Variants in FBN1 observed in about 807,000 individuals in gnomAD.
FBN1 encodes fibrillin 1, also known as fibrillin-1.
In FBN1, 29 loss-of-function variants were observed where a neutral mutation model predicts 365.1. The observed-to-expected ratio is 0.08, with a 90% CI of 0.06 to 0.11. FBN1 has a LOEUF of 0.11. Among genes scored for constraint, FBN1 ranks in the 10% least tolerant of loss-of-function variants. FBN1 has a pLI of 1.00. For synonymous variants in FBN1, 1,210 were observed against 1,270.5 expected (o/e 0.95, Z 1.01); for missense variants, 2,476 against 3,703.2 (o/e 0.67, Z 8.60).
intron 2 of FBN1, among the ~76,000 whole-genome samples, chr15:48,637,471 A>C (rs1890114895): frequency 6.6e-6 from 1 of 152,186 alleles, no homozygotes; most frequent in Admixed American, 6.5e-5. Context: ...CACTCGTTTC[A>C]TAGACTGCAC....
At chr15:48,545,563 G>A (rs187852081) in intron 6 of FBN1, among the ~76,000 whole-genome samples, 12 of 152,286 alleles carry the variant, frequency 7.9e-5, no homozygotes, top group East Asian at 5.8e-4. Context: ...AGGGATTTAG[G>A]GGAGGGAGGA....
At chr15:48,619,629 G>A (rs1383300715) in intron 2 of FBN1, among the ~76,000 whole-genome samples, 1 of 151,862 alleles carries the variant, frequency 6.6e-6, no homozygotes, top group African/African-American at 2.4e-5. Context: ...TAGCCAGTAA[G>A]TTCACTGCCA....
chr15:48,522,981 T>A lies in FBN1; in HGVS notation c.989-2164A>T, dbSNP rs567085597. ...CGGCTGGAGAGGGAGTATAGACAAG[T>A]ATGCTCTCTGTGAAGCCTCAGGTGG... is the stretch of plus-strand genomic sequence containing the variant. On this transcript the variant is annotated intron_variant, in intron 9 of 65. Transcript: ENST00000316623. Among the ~76,000 whole-genome samples, 3 of 152,302 alleles carry A rather than the reference T, an allele frequency of 2.0e-5. No homozygotes were observed. In the South Asian group the frequency reaches 6.2e-4, roughly 32 times the overall value.
chr15:48,554,475 C>T (rs2044164924), intron 6 of FBN1, among the ~76,000 whole-genome samples: 1 of 152,150 alleles, frequency 6.6e-6, no homozygotes, highest in Admixed American at 6.5e-5. Flanking sequence ...AATATATTCA[C>T]TGTAAACCAT....
At chr15:48,568,049 G>GAAAGAAAGAAAGAAAGAAAGAAAGAAGA (rs369157930) in intron 6 of FBN1, among the ~76,000 whole-genome samples, 16 of 40,144 alleles carry the variant, frequency 4.0e-4, no homozygotes, top group East Asian at 2.1e-3. Flanking sequence ...AAGAAAGAAA[G>GAAAGAAAGAAAGAAAGAAAGAAAGAAGA]AAGAAAGAAA....
chr15:48,559,882 T>C (rs1032630052), intron 6 of FBN1, among the ~76,000 whole-genome samples: 11 of 152,204 alleles, frequency 7.2e-5, no homozygotes, highest in Non-Finnish European at 1.6e-4. Context: ...TGTGTGCCCA[T>C]CATCTGTTTT....
chr15:48,481,589 A>T, intron 32 of FBN1, 66 bp downstream of exon 32: 1 of 1,488,804 alleles, frequency 6.7e-7, no homozygotes, highest in East Asian at 2.3e-5. Context: ...ACATGTATCA[A>T]TCTATAATTA....
chr15:48,566,658 C>T (rs1380228416), intron 6 of FBN1, among the ~76,000 whole-genome samples: 3 of 152,128 alleles, frequency 2.0e-5, no homozygotes, highest in Non-Finnish European at 4.4e-5. Context: ...CATAATTCTC[C>T]TTTGACATGG....
intron 64 of FBN1, among the ~76,000 whole-genome samples, chr15:48,414,583 A>C (rs1054698261): frequency 6.6e-6 from 1 of 152,176 alleles, no homozygotes; most frequent in Non-Finnish European, 1.5e-5. Flanking sequence ...TAAACTTTTA[A>C]ATCACTGGGT....
chr15:48,444,130 A>T (rs1262906881), intron 49 of FBN1, among the ~76,000 whole-genome samples: 2 of 152,198 alleles, frequency 1.3e-5, no homozygotes, highest in Non-Finnish European at 2.9e-5. Flanking sequence ...TAAAAACAAA[A>T]TAGACAAACG....
chr15:48,583,994 G>GA (rs2044416759), intron 6 of FBN1, among the ~76,000 whole-genome samples: 1 of 152,114 alleles, frequency 6.6e-6, no homozygotes, highest in Admixed American at 6.6e-5. Context: ...CTTCTAAGTG[G>GA]AAAAAATGGT....
intron 6 of FBN1, among the ~76,000 whole-genome samples, chr15:48,578,169 T>C (rs544354049): frequency 6.6e-5 from 10 of 152,328 alleles, no homozygotes; most frequent in African/African-American, 2.2e-4. Flanking sequence ...CTTCTAAGGT[T>C]GGCAAGTAGT....
At chr15:48,561,349 G>A (rs763471914) in intron 6 of FBN1, among the ~76,000 whole-genome samples, 1 of 152,092 alleles carries the variant, frequency 6.6e-6, no homozygotes, top group Non-Finnish European at 1.5e-5. Context: ...TACAATGAAT[G>A]TTAATGCTTT....
chr15:48,503,410 A>T (rs1241901993), intron 17 of FBN1, among the ~76,000 whole-genome samples: 1 of 152,222 alleles, frequency 6.6e-6, no homozygotes, highest in African/African-American at 2.4e-5. Context: ...AAGCTAGTGG[A>T]AATAGTCAAG....
chr15:48,607,015 A>G (rs1382570835), intron 4 of FBN1, among the ~76,000 whole-genome samples: 1 of 152,144 alleles, frequency 6.6e-6, no homozygotes, highest in African/African-American at 2.4e-5. Context: ...CTCTATAGAC[A>G]TTGGTGCCAT....
intron 12 of FBN1, among the ~76,000 whole-genome samples, chr15:48,514,652 A>G (rs2043786660): frequency 6.6e-6 from 1 of 152,192 alleles, no homozygotes; most frequent in South Asian, 2.1e-4. Flanking sequence ...CATTTAAAAT[A>G]ACTAGTCTAA....
At chr15:48,615,003 T>G (rs1221121232) in intron 2 of FBN1, among the ~76,000 whole-genome samples, 1 of 152,158 alleles carries the variant, frequency 6.6e-6, no homozygotes, top group African/African-American at 2.4e-5. Flanking sequence ...CAGAAGTTCC[T>G]GGGGAAATTC....
intron 38 of FBN1, among the ~76,000 whole-genome samples, chr15:48,466,542 C>T (rs2043323731): frequency 1.3e-5 from 2 of 152,202 alleles, no homozygotes; most frequent in South Asian, 2.1e-4. Context: ...ATGTCTGTAA[C>T]CTGCTGCATC....
Position 48,644,630 on chromosome 15 carries a change from C to T in FBN1, c.140G>A (p.Gly47Asp). ...CCCTTTAAGCGCGTCGTGTCCTCCA[C>T]CGCCTCTTCTCTTGGCCCGACTGGC... ...TRASRAKRRG[G>D]GGHDALKGPN... The change falls in exon 2 of 66, where the codon GGT becomes GAT. Residue 47 changes from glycine (G) to aspartate (D), a missense_variant. By Grantham distance (94) the Gly-to-Asp change is moderately conservative. This residue lies in a region of FBN1 where 76 missense variants were observed against 85.4 expected (regional missense o/e 0.89). Transcript: ENST00000316623. The T allele has an allele frequency of 6.2e-7, 1 of 1,613,904 alleles. No homozygotes were observed. The highest frequency in any genetic ancestry group is 8.5e-7 in the Non-Finnish European group (1 of 1,180,018).
Sources: allele counts gnomAD v4.1 joint callset (sites outside exome capture counted in the v4.1 genomes callset), GRCh38; gene constraint gnomAD v4.1.1; regional missense constraint gnomAD v4.1.1; transcripts MANE v1.5; gene names NCBI Gene and HGNC (gene_info 2026-07-23, HGNC 2026-07-21).